The following PRELID2 variants were observed in gnomAD, a reference collection of about 807,000 sequenced individuals.
PRELID2 encodes the protein PRELI domain-containing protein 2.
In PRELID2, 25 loss-of-function variants were observed where a neutral mutation model predicts 28.4. That is an observed-to-expected ratio of 0.88 (90% CI 0.64 to 1.23). The LOEUF is 1.23. Among genes scored for constraint, PRELID2 ranks in the 50% most tolerant of loss-of-function variants. The pLI, the probability that PRELID2 is intolerant of heterozygous loss-of-function variation, is 0.00. For missense variants in PRELID2, 201 were observed against 214.4 expected (o/e 0.94, Z 0.39); for synonymous variants, 76 against 71.6 (o/e 1.06, Z -0.31).
intron 1 of PRELID2, among the ~76,000 whole-genome samples, chr5:145,637,914 G>A (rs567558722): frequency 7.9e-5 from 12 of 151,102 alleles, no homozygotes; most frequent in East Asian, 5.9e-4. Context: ...GGGTTCAAGC[G>A]ATTCTCCTGC....
At chr5:145,256,452 C>G in the PRELID2 span, among the ~76,000 whole-genome samples, 1 of 152,008 alleles carries the variant, frequency 6.6e-6, no homozygotes, top group South Asian at 2.1e-4. Flanking sequence ...CCAGTTGATC[C>G]AGAATCATAT....
the PRELID2 span, among the ~76,000 whole-genome samples, chr5:145,277,415 G>T: frequency 6.6e-6 from 1 of 152,060 alleles, no homozygotes; most frequent in African/African-American, 2.4e-5. Flanking sequence ...CCATTCATAA[G>T]GCTCCCATTC....
the PRELID2 span, among the ~76,000 whole-genome samples, chr5:145,330,111 C>T: frequency 6.6e-6 from 1 of 152,158 alleles, no homozygotes; most frequent in African/African-American, 2.4e-5. Context: ...CCTTGCATCA[C>T]AGGAATGAAG....
the PRELID2 span, among the ~76,000 whole-genome samples, chr5:145,277,121 C>G: frequency 6.6e-6 from 1 of 152,044 alleles, no homozygotes; most frequent in Non-Finnish European, 1.5e-5. Context: ...TGCTACAGGA[C>G]ACATAGGTTT....
intron 1 of PRELID2, among the ~76,000 whole-genome samples, chr5:145,557,533 G>A (rs1404064988): frequency 2.0e-5 from 3 of 152,206 alleles, no homozygotes; most frequent in African/African-American, 7.2e-5. Context: ...GAGTGAGAAT[G>A]AAGTGAATGA....
At chr5:145,556,046 C>T (rs1432470236) in intron 1 of PRELID2, among the ~76,000 whole-genome samples, 3 of 151,730 alleles carry the variant, frequency 2.0e-5, no homozygotes, top group Non-Finnish European at 4.4e-5. Context: ...GGTGTGGTGG[C>T]GTGTGCCTGT....
intron 1 of PRELID2, among the ~76,000 whole-genome samples, chr5:145,565,564 G>C (rs1752957540): frequency 6.6e-6 from 1 of 152,240 alleles, no homozygotes; most frequent in African/African-American, 2.4e-5. Context: ...GTCACTTGTA[G>C]TCAGCTGGCA....
chr5:145,556,671 T>C (rs367848180), intron 1 of PRELID2, among the ~76,000 whole-genome samples: 1 of 152,068 alleles, frequency 6.6e-6, no homozygotes, highest in Non-Finnish European at 1.5e-5. Flanking sequence ...GGTATAAAGA[T>C]CAACATCCTC....
the PRELID2 span, among the ~76,000 whole-genome samples, chr5:145,322,537 A>G: frequency 6.6e-6 from 1 of 152,214 alleles, no homozygotes; most frequent in Non-Finnish European, 1.5e-5. Flanking sequence ...ATGTTAGTGT[A>G]TGTTACCTCC....
the PRELID2 span, among the ~76,000 whole-genome samples, chr5:145,381,205 T>C: frequency 1.3e-5 from 2 of 152,142 alleles, no homozygotes; most frequent in African/African-American, 4.8e-5. Flanking sequence ...TGTTTATGCA[T>C]CTATCCCATG....
intron 1 of PRELID2, among the ~76,000 whole-genome samples, chr5:145,619,117 G>A (rs904970953): frequency 2.6e-5 from 4 of 152,170 alleles, no homozygotes; most frequent in African/African-American, 7.2e-5. Flanking sequence ...CCTCCCAGCT[G>A]TGAAAGAAAA....
intron 1 of PRELID2, among the ~76,000 whole-genome samples, chr5:145,834,103 G>A (rs1469797729): frequency 6.6e-6 from 1 of 152,174 alleles, no homozygotes; most frequent in African/African-American, 2.4e-5. Context: ...CAGTATTGAG[G>A]AAGAGTTCAT....
chr5:145,820,024 A>T lies in PRELID2; in HGVS notation c.134-6T>A. 1 of 1,560,854 alleles carries T rather than the reference A, an allele frequency of 6.4e-7. No homozygotes were observed. The highest frequency in any genetic ancestry group is 8.7e-7 in the Non-Finnish European group (1 of 1,146,266). Reference sequence around the variant, plus strand: ...GATGACCCCTGTTGATTCATCTAAAAAAGAAATTTTTTTACACAAAAAAAA... The same window carrying T: ...GATGACCCCTGTTGATTCATCTAAATAAGAAATTTTTTTACACAAAAAAAA... On this transcript the variant is annotated splice_region_variant and splice_polypyrimidine_tract_variant and intron_variant, in intron 2 of 6. Transcript: ENST00000683046.
the PRELID2 span, among the ~76,000 whole-genome samples, chr5:145,458,497 A>T: frequency 3.9e-5 from 6 of 152,202 alleles, no homozygotes; most frequent in African/African-American, 1.4e-4. Context: ...AATTTTGCTC[A>T]CAAGGGAATA....
chr5:145,259,074 C>T, the PRELID2 span, among the ~76,000 whole-genome samples: 1 of 152,148 alleles, frequency 6.6e-6, no homozygotes. Context: ...GCAGCTTCCA[C>T]GTGGTATTAA....
intron 1 of PRELID2, among the ~76,000 whole-genome samples, chr5:145,589,617 T>A (rs1038687222): frequency 2.6e-5 from 4 of 152,170 alleles, no homozygotes; most frequent in Admixed American, 2.0e-4. Flanking sequence ...CCCATTTATG[T>A]CTTTTGTTAT....
At chr5:145,701,965 T>C (rs981091624) in intron 1 of PRELID2, among the ~76,000 whole-genome samples, 26 of 151,920 alleles carry the variant, frequency 1.7e-4, no homozygotes, top group African/African-American at 5.1e-4. Flanking sequence ...ACAGGAGAAA[T>C]GCTTAAACCT....
At chr5:145,260,688 T>A in the PRELID2 span, among the ~76,000 whole-genome samples, 1 of 152,100 alleles carries the variant, frequency 6.6e-6, no homozygotes, top group Non-Finnish European at 1.5e-5. Context: ...GAAAAAATGG[T>A]AGATAGGAGG....
the PRELID2 span, among the ~76,000 whole-genome samples, chr5:145,373,276 TGATATATATTACAACATATATAATATAC>T: frequency 2.4e-3 from 118 of 48,190 alleles, 2 homozygotes; most frequent in African/African-American, 6.2e-3. Flanking sequence ...ATAATATATA[TGATATATATTACAACATATATAATATAC>T]GATATATATT....
Sources: allele counts gnomAD v4.1 joint callset (sites outside exome capture counted in the v4.1 genomes callset), GRCh38; gene constraint gnomAD v4.1.1; transcripts MANE v1.5; gene names NCBI Gene and HGNC (gene_info 2026-07-23, HGNC 2026-07-21).